Variants in C9orf153 observed in about 807,000 individuals in gnomAD.
C9orf153 encodes the protein uncharacterized protein C9orf153.
A neutral mutation model predicts 9.0 loss-of-function variants in C9orf153; 10 were observed. The observed-to-expected ratio is 1.11, with a 90% CI of 0.69 to 1.89. The LOEUF (loss-of-function observed/expected upper bound fraction) is 1.89. C9orf153 is among the 40% of genes most tolerant of loss of function. The pLI is 0.00. For missense variants in C9orf153, 108 were observed against 111.0 expected (o/e 0.97, Z 0.12); for synonymous variants, 35 against 37.3 (o/e 0.94, Z 0.23).
intron 1 of C9orf153, among the ~76,000 whole-genome samples, chr9:86,253,662 A>G (rs1042327899): frequency 6.6e-6 from 1 of 152,226 alleles, no homozygotes. Context: ...TGGCACGATC[A>G]TGGCTCACTA....
In C9orf153 at chr9:86,244,233, TC is replaced by T. The variant is rs1824815901; in HGVS notation, c.-26-14605del. On this transcript the variant is annotated intron_variant, in intron 1 of 3. Transcript: ENST00000339137. ...AATTTTGCCTGTATCTTTCACCTTT[TC>T]TCTTTTAAAATAATTTTTTTTGTAG... 2.6e-5 allele frequency among the ~76,000 whole-genome samples: 4 copies of T among 152,348 alleles called. No homozygotes were observed. In the South Asian group the frequency reaches 8.3e-4, roughly 32 times the overall value.
At position 86,237,198 on chromosome 9, in the gene C9orf153, A is replaced by G. The variant is rs1009333603; in HGVS notation, c.-26-7569T>C. Among the ~76,000 whole-genome samples, 19 of 152,278 alleles carry G rather than the reference A, an allele frequency of 1.2e-4. No individual in the cohort carries two copies. In the East Asian group the frequency reaches 3.7e-3, roughly 29 times the overall value. ...AAAAATATATAATTGATATGCTAAG[A>G]AAGGAGAAAAATTGAATCATATAAA... On this transcript the variant is annotated intron_variant, in intron 1 of 3. Coordinates refer to ENST00000339137, the MANE Select transcript of C9orf153 (RefSeq NM_001276366.4).
chr9:86,250,878 T>C (rs2131204819), intron 1 of C9orf153, among the ~76,000 whole-genome samples: 1 of 152,320 alleles, frequency 6.6e-6, no homozygotes, highest in Non-Finnish European at 1.5e-5. Context: ...GCATACAAAT[T>C]TTTAATCTTC....
intron 2 of C9orf153, 41 bp downstream of exon 2, chr9:86,229,497 G>A (rs573827408): frequency 1.5e-6 from 2 of 1,339,024 alleles, no homozygotes; most frequent in Admixed American, 1.8e-5. Flanking sequence ...TGAATGTAAA[G>A]CTCCCTGTGT....
intron 3 of C9orf153, 55 bp from the exon 4 acceptor site, chr9:86,221,788 T>C: frequency 1.6e-6 from 2 of 1,252,484 alleles, no homozygotes. Flanking sequence ...CAGCCTTTCA[T>C]TACTCAGAGA....
At chr9:86,259,244 G>T (rs1251327097) in intron 1 of C9orf153, among the ~76,000 whole-genome samples, 1 of 152,094 alleles carries the variant, frequency 6.6e-6, no homozygotes, top group Non-Finnish European at 1.5e-5. Context: ...GAGGATGAAG[G>T]CACTGAGGTT....
rs188744330 is a variant in C9orf153, at chr9:86,236,376, G to A, written c.-26-6747C>T. On this transcript the variant is annotated intron_variant, in intron 1 of 3. Transcript: ENST00000339137. ...CCAGCCTGGTCAACATGGTGAAACC[G>A]TGTCTCAACTAAAAATACAAAAAGT... is the stretch of plus-strand genomic sequence containing the variant. 1.8e-4 allele frequency among the ~76,000 whole-genome samples: 28 copies of A among 151,740 alleles called. No individual in the cohort carries two copies. In the East Asian group the frequency reaches 5.3e-3, roughly 29 times the overall value.
chr9:86,252,116 C>T (rs181255545), intron 1 of C9orf153, among the ~76,000 whole-genome samples: 1 of 152,262 alleles, frequency 6.6e-6, no homozygotes, highest in Non-Finnish European at 1.5e-5. Context: ...CTCACTGCAA[C>T]CTCTGCCTCC....
chr9:86,255,229 T>G (rs1166050642), intron 1 of C9orf153, among the ~76,000 whole-genome samples: 2 of 152,104 alleles, frequency 1.3e-5, no homozygotes, highest in African/African-American at 4.8e-5. Context: ...CAACATGGCT[T>G]TTAATATGTG....
intron 1 of C9orf153, among the ~76,000 whole-genome samples, chr9:86,257,293 G>A (rs1345911210): frequency 6.6e-6 from 1 of 152,122 alleles, no homozygotes. Flanking sequence ...GCGATTACTG[G>A]GTTCCATGCT....
chr9:86,247,802 T>C (rs1282638446), intron 1 of C9orf153, among the ~76,000 whole-genome samples: 1 of 152,264 alleles, frequency 6.6e-6, no homozygotes, highest in Non-Finnish European at 1.5e-5. Context: ...GATACACTGA[T>C]TGTTCTTTTG....
intron 1 of C9orf153, among the ~76,000 whole-genome samples, chr9:86,255,437 C>T (rs116156812): frequency 4.3e-4 from 66 of 152,272 alleles, no homozygotes; most frequent in African/African-American, 1.3e-3. Context: ...TGAGCCTTCC[C>T]TTGTTTGATG....
At chr9:86,250,100 T>G (rs932981780) in intron 1 of C9orf153, among the ~76,000 whole-genome samples, 13 of 152,224 alleles carry the variant, frequency 8.5e-5, no homozygotes, top group African/African-American at 3.1e-4. Flanking sequence ...GAATGTACAA[T>G]GGCCTGGGAC....
intron 3 of C9orf153, among the ~76,000 whole-genome samples, chr9:86,222,315 G>A (rs774983780): frequency 2.5e-4 from 38 of 152,062 alleles, no homozygotes; most frequent in Non-Finnish European, 4.1e-4. Flanking sequence ...GCAGGTGGAC[G>A]GAGTATTTCA....
In C9orf153 at chr9:86,246,667, ATG is replaced by A. The variant is rs1824870544; in HGVS notation, c.-27+12881_-27+12882del. ...CATGAAAACAGGGTATAAAATGTAT[ATG>A]TGTTATTTAAAGAATAAAAAGACAA... On this transcript the variant is annotated intron_variant, in intron 1 of 3. Transcript: ENST00000339137. Among the ~76,000 whole-genome samples, 4 of 152,302 alleles carry A rather than the reference ATG, an allele frequency of 2.6e-5. 1 individual carries two copies. The highest frequency in any genetic ancestry group is 4.1e-4 in the South Asian group (2 of 4,830).
chr9:86,258,145 C>T (rs1463979549), intron 1 of C9orf153, among the ~76,000 whole-genome samples: 1 of 152,016 alleles, frequency 6.6e-6, no homozygotes, highest in Non-Finnish European at 1.5e-5. Flanking sequence ...AGATCAAGAC[C>T]ATCCTGGCTA....
In C9orf153 at chr9:86,221,028, T is replaced by C. The variant is rs1234860170; in HGVS notation, c.*660A>G. The stretch of plus-strand genomic sequence containing the variant: ...CATTTCCAAGATTTCCAATTTGTTC[T>C]TTTACAAATCTTTCTGTTCTTATTT... On this transcript the variant is annotated 3_prime_UTR_variant, in exon 4 of 4. Coordinates refer to ENST00000339137, the MANE Select transcript of C9orf153 (RefSeq NM_001276366.4). The C allele has an allele frequency of 6.6e-6, 1 of 152,238 alleles. No individual in the cohort carries two copies. The highest frequency in any genetic ancestry group is 2.4e-5 in the African/African-American group (1 of 41,468). The allele number at this position is 152,238 out of a possible 1,614,324, so 9.4% of individuals were successfully genotyped here.
intron 3 of C9orf153, among the ~76,000 whole-genome samples, chr9:86,225,448 CT>C (rs1824306757): frequency 9.7e-5 from 13 of 133,502 alleles, no homozygotes; most frequent in African/African-American, 3.8e-4. Context: ...CTTCCTTCCT[CT>C]CTTTCTCTCT....
At chr9:86,244,961 T>G (rs990494589) in intron 1 of C9orf153, among the ~76,000 whole-genome samples, 2 of 152,232 alleles carry the variant, frequency 1.3e-5, no homozygotes, top group East Asian at 3.9e-4. Flanking sequence ...AGTTTCACTC[T>G]TGTCGCCCAG....
Sources: allele counts gnomAD v4.1 joint callset (sites outside exome capture counted in the v4.1 genomes callset), GRCh38; gene constraint gnomAD v4.1.1; transcripts MANE v1.5; gene names NCBI Gene and HGNC (gene_info 2026-07-23, HGNC 2026-07-21).